Variants in PLCL1 observed in about 807,000 individuals in gnomAD.
The protein encoded by PLCL1 is inactive phospholipase C-like protein 1.
PLCL1 carries 41 observed loss-of-function variants against 84.4 expected under a neutral mutation model. That is an observed-to-expected ratio of 0.49 (90% confidence interval 0.38 to 0.63). PLCL1 has a LOEUF of 0.63. Among genes scored for constraint, PLCL1 ranks in the 30% least tolerant of loss-of-function variants. PLCL1 has a pLI of 0.00. For synonymous variants in PLCL1, 490 were observed against 488.3 expected (o/e 1.00, Z -0.05); for missense variants, 1,206 against 1,367.8 (o/e 0.88, Z 1.87).
At chr2:197,989,118 T>C (rs1029990024) in intron 1 of PLCL1, among the ~76,000 whole-genome samples, 1 of 152,170 alleles carries the variant, frequency 6.6e-6, no homozygotes, top group African/African-American at 2.4e-5. Context: ...ACAAAATGCG[T>C]AAAACAAAAT....
At chr2:198,037,888 G>A (rs2105855999) in intron 1 of PLCL1, among the ~76,000 whole-genome samples, 1 of 152,042 alleles carries the variant, frequency 6.6e-6, no homozygotes, top group African/African-American at 2.4e-5. Context: ...TGAAAGATTT[G>A]GGAAAAATAT....
Position 197,903,468 on chromosome 2 carries a change from A to ATTTTTTTTTTTTTTTTTTTT in PLCL1, c.240+98143_240+98162dup, listed in dbSNP as rs3056105. 2.3e-4 allele frequency among the ~76,000 whole-genome samples: 11 copies of ATTTTTTTTTTTTTTTTTTTT among 47,794 alleles called. 2 individuals are homozygous for ATTTTTTTTTTTTTTTTTTTT. Among genetic ancestry groups the ATTTTTTTTTTTTTTTTTTTT allele is most frequent in the African/African-American group, 3.6e-4 (4 of 11,126 alleles). The allele number at this position is 47,794 out of a possible 152,430, so 31.4% of individuals were successfully genotyped here. A position where few individuals can be genotyped will look rare whatever the true frequency, so the allele number is the denominator to read the frequency against. Reference sequence around the variant, plus strand: ...GTATCTTCCTTTTTACTCCATTTAAATTTTTTTTTTTTTTTTTTTTTTTTT... The same window carrying ATTTTTTTTTTTTTTTTTTTT: ...GTATCTTCCTTTTTACTCCATTTAAATTTTTTTTTTTTTTTTTTTTTTTTTTTTTTTTTTTTTTTTTTTTT... On this transcript the variant is annotated intron_variant, in intron 1 of 5. Coordinates refer to ENST00000428675, the MANE Select transcript of PLCL1 (RefSeq NM_006226.4).
At chr2:198,063,401 A>G (rs1342112350) in intron 1 of PLCL1, among the ~76,000 whole-genome samples, 2 of 152,150 alleles carry the variant, frequency 1.3e-5, no homozygotes, top group Non-Finnish European at 2.9e-5. Context: ...GAACCCAGCA[A>G]AACAACATAA....
chr2:198,016,526 A>C (rs1228071629), intron 1 of PLCL1, among the ~76,000 whole-genome samples: 1 of 152,196 alleles, frequency 6.6e-6, no homozygotes, highest in Non-Finnish European at 1.5e-5. Flanking sequence ...TCTGTATTCA[A>C]ATCTCAGCTC....
In PLCL1 at chr2:198,048,806, A is replaced by G. The variant is rs554917363; in HGVS notation, c.241-34952A>G. On this transcript the variant is annotated intron_variant, in intron 1 of 5. Transcript: ENST00000428675. ...GGAAGGAACAAATAACCAGGCACTA[A>G]CCATATTCACCTCCTAGCGGCCCCA... Among the ~76,000 whole-genome samples the G allele has an allele frequency of 2.0e-5, 3 of 152,302 alleles. No homozygotes were observed. The East Asian group carries it at 5.8e-4, about 29-fold the overall frequency.
At chr2:198,121,163 T>G (rs1433489872) in intron 5 of PLCL1, among the ~76,000 whole-genome samples, 1 of 152,112 alleles carries the variant, frequency 6.6e-6, no homozygotes, top group African/African-American at 2.4e-5. Flanking sequence ...AATCAGATTA[T>G]TAGAGTTTTT....
intron 1 of PLCL1, among the ~76,000 whole-genome samples, chr2:197,926,192 A>G (rs2105761353): frequency 6.6e-6 from 1 of 152,310 alleles, no homozygotes; most frequent in East Asian, 1.9e-4. Context: ...ATTCAATAAC[A>G]TGCTGTAGAG....
chr2:198,143,479 A>G (rs1358180302), intron 5 of PLCL1, among the ~76,000 whole-genome samples: 1 of 152,198 alleles, frequency 6.6e-6, no homozygotes, highest in African/African-American at 2.4e-5. Flanking sequence ...AATGATACAC[A>G]GGACAAAGAC....
chr2:197,926,169 A>G (rs934149974), intron 1 of PLCL1, among the ~76,000 whole-genome samples: 3 of 152,156 alleles, frequency 2.0e-5, no homozygotes, highest in Non-Finnish European at 4.4e-5. Flanking sequence ...ACCTCCAAAG[A>G]GTATATGAGT....
At chr2:197,958,299 TAGA>T (rs1395226506) in intron 1 of PLCL1, among the ~76,000 whole-genome samples, 3 of 151,888 alleles carry the variant, frequency 2.0e-5, no homozygotes, top group Non-Finnish European at 2.9e-5. Flanking sequence ...TGGTCCACAT[TAGA>T]AGAAGAATTG....
intron 1 of PLCL1, among the ~76,000 whole-genome samples, chr2:197,905,907 T>G (rs1688371688): frequency 6.6e-6 from 1 of 152,346 alleles, no homozygotes; most frequent in African/African-American, 2.4e-5. Context: ...ACCTACTTTT[T>G]GATGGGGTTG....
chr2:197,990,335 A>G (rs764013283), intron 1 of PLCL1, among the ~76,000 whole-genome samples: 2 of 152,226 alleles, frequency 1.3e-5, no homozygotes, highest in African/African-American at 4.8e-5. Context: ...AATGCAGCAG[A>G]TATTTTGTGG....
intron 1 of PLCL1, among the ~76,000 whole-genome samples, chr2:197,875,576 T>G (rs1687719170): frequency 6.6e-6 from 1 of 152,154 alleles, no homozygotes; most frequent in Admixed American, 6.6e-5. Flanking sequence ...GTGTGTGATA[T>G]ACTTCAGTAT....
At chr2:197,824,007 A>C (rs1690874563) in intron 1 of PLCL1, among the ~76,000 whole-genome samples, 1 of 152,188 alleles carries the variant, frequency 6.6e-6, no homozygotes, top group Admixed American at 6.5e-5. Flanking sequence ...GCTCAATTTA[A>C]TTCAGCAAAT....
At chr2:198,094,052 T>A (rs1440042318) in intron 3 of PLCL1, among the ~76,000 whole-genome samples, 2 of 151,884 alleles carry the variant, frequency 1.3e-5, no homozygotes, top group Non-Finnish European at 2.9e-5. Flanking sequence ...TTAAAAGTCA[T>A]TTTTTTTCTC....
At position 197,895,279 on chromosome 2, in the gene PLCL1, A is replaced by G. The variant is rs1688113019; in HGVS notation, c.240+89940A>G. Among the ~76,000 whole-genome samples, 2 of 152,016 alleles carry G rather than the reference A, an allele frequency of 1.3e-5. 1 individual carries two copies. Among genetic ancestry groups the G allele is most frequent in the Non-Finnish European group, 2.9e-5 (2 of 67,970 alleles). ...CATTTCACTTCAGTAAACCATCTTG[A>G]GTCAGAGAAAGTAAAAGGTGCCATT... On this transcript the variant is annotated intron_variant, in intron 1 of 5. Coordinates refer to ENST00000428675, the MANE Select transcript of PLCL1 (RefSeq NM_006226.4).
At chr2:198,000,192 G>A (rs969902261) in intron 1 of PLCL1, among the ~76,000 whole-genome samples, 2 of 152,134 alleles carry the variant, frequency 1.3e-5, no homozygotes, top group African/African-American at 4.8e-5. Flanking sequence ...TTTTGGCCAA[G>A]TTTCGTACAT....
rs562571965 is a variant in PLCL1, at chr2:197,873,848, G to A, written c.240+68509G>A. On this transcript the variant is annotated intron_variant, in intron 1 of 5. Transcript: ENST00000428675. Reference sequence around the variant, plus strand: ...CTTAAATTGCGATGCAAAATATTTCGGACAAGGCTCAGCATTGCTACTTGT... The same window carrying A: ...CTTAAATTGCGATGCAAAATATTTCAGACAAGGCTCAGCATTGCTACTTGT... Among the ~76,000 whole-genome samples, 14 of 152,116 alleles carry A rather than the reference G, an allele frequency of 9.2e-5. No homozygotes were observed. In the East Asian group the frequency reaches 2.7e-3, roughly 29 times the overall value.
intron 1 of PLCL1, among the ~76,000 whole-genome samples, chr2:197,998,755 C>T (rs184475236): frequency 2.7e-4 from 41 of 152,334 alleles, no homozygotes; most frequent in Admixed American, 2.4e-3. Flanking sequence ...CATTCACCCA[C>T]TCCTTTTTAT....
Sources: gnomAD v4.1 joint callset for allele counts (sites outside exome capture counted in the v4.1 genomes callset) on GRCh38, gnomAD v4.1.1 for gene constraint, MANE v1.5 for transcripts, NCBI Gene and HGNC (gene_info 2026-07-23, HGNC 2026-07-21) for gene names.